The following PPARGC1A variants were observed in gnomAD, a reference collection of about 807,000 sequenced individuals.
PPARGC1A encodes the protein PPARG coactivator 1 alpha.
Under a neutral mutation model 88.7 loss-of-function variants are expected in PPARGC1A, and 25 were observed. The ratio of observed to expected loss-of-function variants is 0.28; its 90% confidence interval spans 0.21 to 0.39. PPARGC1A has a LOEUF of 0.39. Ranked by LOEUF, PPARGC1A falls within the 10% of genes least tolerant of loss-of-function variation. The pLI, the probability that PPARGC1A is intolerant of heterozygous loss-of-function variation, is 1.00. For missense variants in PPARGC1A, 880 were observed against 968.7 expected (o/e 0.91, Z 1.22); for synonymous variants, 363 against 355.6 (o/e 1.02, Z -0.24).
the PPARGC1A span, among the ~76,000 whole-genome samples, chr4:23,956,266 T>C: frequency 6.6e-6 from 1 of 152,208 alleles, no homozygotes; most frequent in South Asian, 2.1e-4. Context: ...CTGTGGATCT[T>C]ATTAAAATGC....
chr4:24,120,943 T>C, the PPARGC1A span, among the ~76,000 whole-genome samples: 15 of 152,334 alleles, frequency 9.8e-5, no homozygotes, highest in Admixed American at 5.2e-4. Context: ...ACTAAGACAA[T>C]GGCAAAGCAA....
the PPARGC1A span, among the ~76,000 whole-genome samples, chr4:24,466,886 C>CAA: frequency 2.3e-3 from 157 of 68,270 alleles, 5 homozygotes; most frequent in East Asian, 0.052. Context: ...TGCACACCAG[C>CAA]AAAAAAAAAA....
intron 2 of PPARGC1A, chr4:23,880,897 T>C (rs1715795764): frequency 6.6e-6 from 1 of 152,190 alleles, no homozygotes. Context: ...TCACTTGCCA[T>C]CATTCTAACG....
chr4:24,047,436 T>A, the PPARGC1A span, among the ~76,000 whole-genome samples: 1 of 152,228 alleles, frequency 6.6e-6, no homozygotes, highest in Non-Finnish European at 1.5e-5. Context: ...TCAGAGATAA[T>A]GTGCCTGGCA....
the PPARGC1A span, among the ~76,000 whole-genome samples, chr4:24,114,101 G>A: frequency 7.7e-6 from 1 of 129,774 alleles, no homozygotes; most frequent in Admixed American, 1.0e-4. Context: ...TCCAGCCTGG[G>A]AGACAGAGAG....
At chr4:23,926,855 G>T in the PPARGC1A span, among the ~76,000 whole-genome samples, 9 of 152,162 alleles carry the variant, frequency 5.9e-5, no homozygotes, top group Non-Finnish European at 1.5e-5. Context: ...GCTAGTTTAT[G>T]CATCTGTTTC....
At chr4:24,233,525 G>A in the PPARGC1A span, among the ~76,000 whole-genome samples, 4 of 151,832 alleles carry the variant, frequency 2.6e-5, no homozygotes, top group African/African-American at 9.7e-5. Context: ...CAGACTCAAT[G>A]GGCTCTAATA....
chr4:24,004,216 G>C, the PPARGC1A span, among the ~76,000 whole-genome samples: 1 of 152,172 alleles, frequency 6.6e-6, no homozygotes, highest in African/African-American at 2.4e-5. Context: ...GCTCAAAGCT[G>C]CGACCATTTC....
chr4:23,916,506 A>C, the PPARGC1A span, among the ~76,000 whole-genome samples: 6 of 152,174 alleles, frequency 3.9e-5, no homozygotes, highest in African/African-American at 1.4e-4. Context: ...GTGTGTGTTT[A>C]TGAAAACATA....
intron 8 of PPARGC1A, 37 bp downstream of exon 8, chr4:23,813,653 A>T: frequency 6.9e-7 from 1 of 1,447,128 alleles, no homozygotes; most frequent in Non-Finnish European, 9.3e-7. Context: ...CTTCTTAGGA[A>T]CACCTTTTGT....
the PPARGC1A span, among the ~76,000 whole-genome samples, chr4:23,939,500 AC>A: frequency 6.6e-6 from 1 of 152,212 alleles, no homozygotes; most frequent in Non-Finnish European, 1.5e-5. Flanking sequence ...GAACCAAAGC[AC>A]ATTTCAAAGA....
At chr4:24,118,022 GCTT>G in the PPARGC1A span, among the ~76,000 whole-genome samples, 1 of 152,014 alleles carries the variant, frequency 6.6e-6, no homozygotes, top group Non-Finnish European at 1.5e-5. Context: ...ATTCATTTTG[GCTT>G]CTCTCGCTGT....
the PPARGC1A span, among the ~76,000 whole-genome samples, chr4:23,964,348 T>C: frequency 6.6e-6 from 1 of 152,162 alleles, no homozygotes; most frequent in African/African-American, 2.4e-5. Context: ...ATGAAGGTCA[T>C]AGATTAGAAA....
the PPARGC1A span, among the ~76,000 whole-genome samples, chr4:24,085,854 C>A: frequency 6.6e-6 from 1 of 152,172 alleles, no homozygotes; most frequent in African/African-American, 2.4e-5. Flanking sequence ...GGGTCTCAGT[C>A]TCATGTAATA....
the PPARGC1A span, among the ~76,000 whole-genome samples, chr4:24,165,559 GTC>G: frequency 3.3e-5 from 5 of 152,184 alleles, no homozygotes; most frequent in Non-Finnish European, 7.3e-5. Context: ...CAATGAGCAA[GTC>G]TGTCAGCACC....
At chr4:24,315,079 C>T in the PPARGC1A span, among the ~76,000 whole-genome samples, 1 of 151,480 alleles carries the variant, frequency 6.6e-6, no homozygotes, top group Admixed American at 6.6e-5. Context: ...AGACCAAAAG[C>T]CTTTGGTCAG....
chr4:24,472,581 G>T, the PPARGC1A span, among the ~76,000 whole-genome samples: 2 of 152,178 alleles, frequency 1.3e-5, no homozygotes, highest in Admixed American at 6.5e-5. The surrounding 1 kb of genome is among the most constrained non-coding windows in gnomAD (Gnocchi z 4.5). Flanking sequence ...GAAAATAAAA[G>T]AAAAGGAGGG....
At chr4:23,925,793 G>T in the PPARGC1A span, among the ~76,000 whole-genome samples, 1 of 152,010 alleles carries the variant, frequency 6.6e-6, no homozygotes, top group Non-Finnish European at 1.5e-5. Flanking sequence ...GAAAAAATCA[G>T]TTTAGCACTA....
the PPARGC1A span, among the ~76,000 whole-genome samples, chr4:24,390,170 T>C: frequency 6.6e-6 from 1 of 152,070 alleles, no homozygotes; most frequent in Non-Finnish European, 1.5e-5. Flanking sequence ...ATATGATTAT[T>C]CCCCAGACAA....
Sources: gnomAD v4.1 joint callset for allele counts (sites outside exome capture counted in the v4.1 genomes callset) on GRCh38, gnomAD v4.1.1 for gene constraint, Gnocchi (gnomAD v3.1) non-coding constraint, MANE v1.5 for transcripts, NCBI Gene and HGNC (gene_info 2026-07-23, HGNC 2026-07-21) for gene names.